The following ROR1 variants were observed in gnomAD, a reference collection of about 807,000 sequenced individuals.
ROR1 encodes the protein inactive tyrosine-protein kinase transmembrane receptor ROR1.
Under a neutral mutation model 78.8 loss-of-function variants are expected in ROR1, and 19 were observed. That is an observed-to-expected ratio of 0.24 (90% CI 0.17 to 0.35). The LOEUF is 0.35. Among genes scored for constraint, ROR1 ranks in the 10% least tolerant of loss-of-function variants. The pLI is 1.00. For synonymous variants in ROR1, 386 were observed against 433.6 expected, an observed-to-expected ratio of 0.89 and a Z score of 1.36; for missense variants, 917 against 1,177.8, an observed-to-expected ratio of 0.78 and a Z score of 3.24.
rs779905193 is a variant in ROR1 at position 63,861,264 on chromosome 1, G to A, written c.91+86756G>A. ...AGTCTGTGATGAAACAAAGCTGCAC[G>A]CTGAGACGTGGCTGCCAGAACTTTT... On this transcript the variant is annotated intron_variant, in intron 1 of 8. Coordinates refer to ENST00000371079, the MANE Select transcript of ROR1 (RefSeq NM_005012.4). 4.6e-5 allele frequency among the ~76,000 whole-genome samples: 7 copies of A among 152,280 alleles called. No homozygotes were observed. In the Middle Eastern group the frequency reaches 0.01, roughly 222 times the overall value.
intron 1 of ROR1, among the ~76,000 whole-genome samples, chr1:63,969,914 C>T (rs1452938876): frequency 6.6e-6 from 1 of 152,106 alleles, no homozygotes; most frequent in Non-Finnish European, 1.5e-5. Context: ...TATGGCACTC[C>T]TGAGTTCTCC....
intron 1 of ROR1, among the ~76,000 whole-genome samples, chr1:63,989,248 T>C (rs1340022576): frequency 6.7e-6 from 1 of 150,372 alleles, no homozygotes; most frequent in East Asian, 2.0e-4. Context: ...ACATACTAGG[T>C]GTGGGAATTT....
chr1:64,046,044 C>T (rs1424686157), intron 2 of ROR1, among the ~76,000 whole-genome samples: 6 of 152,184 alleles, frequency 3.9e-5, no homozygotes, highest in Non-Finnish European at 7.3e-5. Flanking sequence ...AGCCAGATTG[C>T]TTTGTCTGGC....
chr1:63,839,270 G>A (rs866564942), intron 1 of ROR1, among the ~76,000 whole-genome samples: 7 of 152,148 alleles, frequency 4.6e-5, no homozygotes, highest in South Asian at 2.1e-4. Context: ...ATTGGACGGG[G>A]AAGCCAGATT....
intron 1 of ROR1, among the ~76,000 whole-genome samples, chr1:63,800,963 GT>G (rs36105141): frequency 0.35 from 51,301 of 145,564 alleles, 12,724 homozygotes; most frequent in African/African-American, 0.72. Context: ...ATTTTGCTAG[GT>G]TTTTTTTTTT....
At chr1:64,071,565 G>A (rs1056052809) in intron 4 of ROR1, among the ~76,000 whole-genome samples, 9 of 140,230 alleles carry the variant, frequency 6.4e-5, no homozygotes, top group African/African-American at 1.3e-4. Context: ...ACTCCCCCCC[G>A]CCCCACCACC....
At chr1:64,083,705 CT>C in intron 4 of ROR1, among the ~76,000 whole-genome samples, 1 of 152,158 alleles carries the variant, frequency 6.6e-6, no homozygotes, top group Middle Eastern at 3.4e-3. Flanking sequence ...AGAGAAACCT[CT>C]TTTCTGGAAC....
intron 2 of ROR1, among the ~76,000 whole-genome samples, chr1:64,031,772 T>G (rs1480304651): frequency 6.6e-6 from 1 of 152,222 alleles, no homozygotes; most frequent in East Asian, 1.9e-4. Context: ...GTCTTCTAAA[T>G]TCAGATGGTT....
chr1:63,852,270 G>A (rs921136666), intron 1 of ROR1, among the ~76,000 whole-genome samples: 2 of 152,152 alleles, frequency 1.3e-5, no homozygotes, highest in African/African-American at 2.4e-5. Context: ...TCACTCTGCC[G>A]GGGCATACAT....
At position 63,799,250 on chromosome 1, in the gene ROR1, T is replaced by C. The variant is rs375252580; in HGVS notation, c.91+24742T>C. 7.0e-3 allele frequency among the ~76,000 whole-genome samples: 568 copies of C among 80,804 alleles called. 4 individuals carry two copies. The highest frequency in any genetic ancestry group is 0.05 in the African/African-American group (482 of 9,578). The allele number at this position is 80,804 out of a possible 152,430, so 53.0% of individuals were successfully genotyped here. ...AAAGTTGACATACAAACAGCTTTCATTGTGTCATTTCCCTTCCTCAAAAAT... is the reference window on the plus strand; with the variant it reads ...AAAGTTGACATACAAACAGCTTTCACTGTGTCATTTCCCTTCCTCAAAAAT... On this transcript the variant is annotated intron_variant, in intron 1 of 8. Coordinates refer to ENST00000371079, the MANE Select transcript of ROR1 (RefSeq NM_005012.4).
Position 63,900,259 on chromosome 1 carries a change from C to T in ROR1, c.92-109046C>T, listed in dbSNP as rs190373780. 7.2e-4 allele frequency among the ~76,000 whole-genome samples: 109 copies of T among 151,964 alleles called. No homozygotes were observed. In the East Asian group the frequency reaches 0.012, roughly 17 times the overall value. ...ACCTGAGGTCAGGAGTTCGAGATCA[C>T]CCTGGCCAACATAGTGAAACCTTGT... is the stretch of plus-strand genomic sequence containing the variant. On this transcript the variant is annotated intron_variant, in intron 1 of 8. Transcript: ENST00000371079.
At chr1:64,042,062 G>T (rs1359283919) in intron 2 of ROR1, among the ~76,000 whole-genome samples, 1 of 152,118 alleles carries the variant, frequency 6.6e-6, no homozygotes, top group African/African-American at 2.4e-5. Flanking sequence ...ATACTCCTGA[G>T]GATTTTTGAG....
chr1:63,984,495 A>C (rs1488379011), intron 1 of ROR1, among the ~76,000 whole-genome samples: 1 of 152,144 alleles, frequency 6.6e-6, no homozygotes, highest in African/African-American at 2.4e-5. Context: ...TCAGGCAGGG[A>C]AATGTCCCTG....
At chr1:64,091,124 T>C (rs957741805) in intron 4 of ROR1, among the ~76,000 whole-genome samples, 1 of 152,124 alleles carries the variant, frequency 6.6e-6, no homozygotes, top group African/African-American at 2.4e-5. Context: ...CCAAACCCAC[T>C]GCAACATGCA....
intron 1 of ROR1, among the ~76,000 whole-genome samples, chr1:63,998,674 A>G (rs1298992212): frequency 6.6e-6 from 1 of 152,234 alleles, no homozygotes; most frequent in Non-Finnish European, 1.5e-5. Context: ...TTAGACAAGT[A>G]CATTAGGCTA....
Position 63,876,675 on chromosome 1 carries a change from TGTGTGTGC to T in ROR1, c.91+102169_91+102176del, listed in dbSNP as rs1219406288. Among the ~76,000 whole-genome samples the T allele has an allele frequency of 6.3e-3, 525 of 83,176 alleles. 3 individuals carry two copies. Among genetic ancestry groups the T allele is most frequent in the African/African-American group, 0.045 (415 of 9,132 alleles). 54.6% of individuals were successfully genotyped at this position (83,176 alleles called of 152,430 possible). On this transcript the variant is annotated intron_variant, in intron 1 of 8. Coordinates refer to ENST00000371079, the MANE Select transcript of ROR1 (RefSeq NM_005012.4). ...GTGTGTGTGTGTGTGTGTGTGTGTG[TGTGTGTGC>T]GCGTGTGTGTGTGAGAACATGTGTT...
At chr1:64,043,251 A>G (rs1304936353) in intron 2 of ROR1, among the ~76,000 whole-genome samples, 1 of 152,234 alleles carries the variant, frequency 6.6e-6, no homozygotes, top group Non-Finnish European at 1.5e-5. Context: ...ACATCTTGTC[A>G]AGTGGGTAAA....
At chr1:64,146,371 G>A (rs1649473873) in intron 7 of ROR1, among the ~76,000 whole-genome samples, 1 of 152,226 alleles carries the variant, frequency 6.6e-6, no homozygotes, top group Non-Finnish European at 1.5e-5. Flanking sequence ...AGCTAGTTGG[G>A]AGGCTGAGGC....
chr1:63,994,723 A>C (rs531629205), intron 1 of ROR1, among the ~76,000 whole-genome samples: 1 of 152,276 alleles, frequency 6.6e-6, no homozygotes, highest in East Asian at 1.9e-4. Context: ...AATTCCCCCA[A>C]ATACCTCCGT....
Sources: gnomAD v4.1 joint callset for allele counts (sites outside exome capture counted in the v4.1 genomes callset) on GRCh38, gnomAD v4.1.1 for gene constraint, MANE v1.5 for transcripts, NCBI Gene and HGNC (gene_info 2026-07-23, HGNC 2026-07-21) for gene names.